The following SLC15A1 variants were observed in gnomAD, a reference collection of about 807,000 sequenced individuals.
The protein encoded by SLC15A1 is solute carrier family 15 member 1.
Under a neutral mutation model 92.9 loss-of-function variants are expected in SLC15A1, and 83 were observed. The ratio of observed to expected loss-of-function variants is 0.89; its 90% CI spans 0.75 to 1.07. The LOEUF is 1.07. Among genes scored for constraint, SLC15A1 ranks in the 50% least tolerant of loss-of-function variants. The probability of loss-of-function intolerance (pLI) is 0.00; values close to 1 mark genes in which losing one functional copy is unlikely to be tolerated. For synonymous variants in SLC15A1, 322 were observed against 318.2 expected, an observed-to-expected ratio of 1.01 and a Z score of -0.13; for missense variants, 857 against 880.1, an observed-to-expected ratio of 0.97 and a Z score of 0.33.
In SLC15A1 at chr13:98,712,563, T is replaced by A. The variant is rs1238571750; in HGVS notation, c.745A>T (p.Arg249Trp). ...TTGGGAAATGCCTTACTCCGATGCCTAAATCTATTTTTGATGGCAAACTGA... is the reference window on the plus strand; with the variant it reads ...TTGGGAAATGCCTTACTCCGATGCCAAAATCTATTTTTGATGGCAAACTGA... ...CIGFAIKNRF[R>W]HRSKAFPKRE... Residue 249 changes from arginine (R) to tryptophan (W), a missense_variant, in exon 10 of 23, where the codon AGG (arginine) becomes TGG (tryptophan). Physicochemically the swap from Arg to Trp is moderately radical, Grantham distance 101. Coordinates refer to ENST00000376503, the MANE Select transcript of SLC15A1 (RefSeq NM_005073.4). The A allele has an allele frequency of 6.2e-7, 1 of 1,608,036 alleles. No homozygotes were observed.
chr13:98,726,386 A>G lies in SLC15A1; in HGVS notation c.85T>C (p.Ser29Pro). ...IVVNEFCERFSYYGMRAILIL... is the reference protein window; with the variant it reads ...IVVNEFCERFPYYGMRAILIL... ...CAGTTACCTCGCATTCCATAGTAGGAAAATCTTTCGCAAAACTCATTGACC... is the reference window on the plus strand; with the variant it reads ...CAGTTACCTCGCATTCCATAGTAGGGAAATCTTTCGCAAAACTCATTGACC... The change falls in exon 3 of 23, where the codon TCC becomes CCC. Residue 29 changes from serine to proline, a missense_variant. Ser to Pro is a moderately conservative substitution (Grantham distance 74, BLOSUM62 -1). Transcript: ENST00000376503. The G allele has an allele frequency of 6.2e-7, 1 of 1,614,218 alleles. No individual in the cohort carries two copies. The highest frequency in any genetic ancestry group is 2.2e-5 in the East Asian group (1 of 44,886).
intron 1 of SLC15A1, among the ~76,000 whole-genome samples, chr13:98,733,431 T>C (rs1323105076): frequency 6.6e-6 from 1 of 152,254 alleles, no homozygotes; most frequent in East Asian, 1.9e-4. Flanking sequence ...TATATTTTTC[T>C]ACTTGGAGCT....
chr13:98,720,095 A>G (rs1323937884), intron 7 of SLC15A1, among the ~76,000 whole-genome samples: 1 of 152,244 alleles, frequency 6.6e-6, no homozygotes, highest in African/African-American at 2.4e-5. Flanking sequence ...GCTTTGGTTC[A>G]GCTATCTCAC....
intron 1 of SLC15A1, among the ~76,000 whole-genome samples, chr13:98,736,486 C>A (rs2088395127): frequency 6.6e-6 from 1 of 152,166 alleles, no homozygotes; most frequent in African/African-American, 2.4e-5. Context: ...CCAAAATAGA[C>A]AAATGGGATC....
intron 1 of SLC15A1, among the ~76,000 whole-genome samples, chr13:98,741,694 A>G (rs1490321981): frequency 6.8e-6 from 1 of 146,270 alleles, no homozygotes; most frequent in Non-Finnish European, 1.5e-5. Flanking sequence ...ACCGCACTCC[A>G]GCCTGGGTGA....
In SLC15A1 at chr13:98,704,429, C is replaced by T; in HGVS notation, c.1276G>A (p.Ala426Thr). Residue 426 changes from alanine (A) to threonine (T), a missense_variant, in exon 17 of 23, where the codon GCA becomes ACA. Ala to Thr is a moderately conservative substitution (Grantham distance 58, BLOSUM62 0). Coordinates refer to ENST00000376503, the MANE Select transcript of SLC15A1 (RefSeq NM_005073.4). ...VTLGPMSQTN[A>T]FMTFDVNKLT... ...TTGTTTACATCAAAAGTCATAAATG[C>T]ATTTGTCTATAGAGGGAGGGAAAGA... 6.2e-7 allele frequency: 1 copy of T among 1,612,590 alleles called. No individual in the cohort carries two copies. The highest frequency in any genetic ancestry group is 1.1e-5 in the South Asian group (1 of 90,844).
intron 1 of SLC15A1, among the ~76,000 whole-genome samples, chr13:98,743,974 A>G (rs934804362): frequency 6.6e-6 from 1 of 152,098 alleles, no homozygotes; most frequent in Non-Finnish European, 1.5e-5. Context: ...TGGCCCTAAT[A>G]ATATTGTATA....
In SLC15A1 at chr13:98,687,688, T is replaced by G; in HGVS notation, c.1720A>C (p.Ile574Leu). 6.2e-7 allele frequency: 1 copy of G among 1,614,168 alleles called. No individual in the cohort carries two copies. Among genetic ancestry groups the G allele is most frequent in the Non-Finnish European group, 8.5e-7 (1 of 1,180,034 alleles). Residue 574 changes from isoleucine to leucine, a missense_variant, in exon 21 of 23, where the codon ATT (isoleucine) becomes CTT (leucine). Ile to Leu is a conservative substitution (Grantham distance 5, BLOSUM62 2). Transcript: ENST00000376503. ...SCPEVKVFED[I>L]SANTVNMALQ... ...GCCATGTTAACTGTGTTGGCTGAAA[T>G]ATCTTCAAACACCTTCACTTCAGGG...
chr13:98,743,197 A>G (rs2088463644), intron 1 of SLC15A1, among the ~76,000 whole-genome samples: 1 of 152,184 alleles, frequency 6.6e-6, no homozygotes. Flanking sequence ...TCACGCTCCA[A>G]GGTATTGGGG....
rs148742760 is a variant in SLC15A1, at chr13:98,723,999, A to G, written c.278T>C (p.Ile93Thr). Reference protein sequence around the residue: ...TIVSLSIVYTIGQAVTSVSSI... With the variant: ...TIVSLSIVYTTGQAVTSVSSI... ...GCTTACTGAGGTGACTGCTTGTCCA[A>G]TTGTGTAGACAATGGAGAGCGACAC... Residue 93 changes from isoleucine (I) to threonine (T), a missense_variant, in exon 5 of 23, where the codon ATT (isoleucine) becomes ACT (threonine). Physicochemically the swap from Ile to Thr is moderately conservative, Grantham distance 89. Coordinates refer to ENST00000376503, the MANE Select transcript of SLC15A1 (RefSeq NM_005073.4). The G allele has an allele frequency of 1.9e-6, 3 of 1,614,012 alleles. No homozygotes were observed. The highest frequency in any genetic ancestry group is 1.3e-5 in the African/African-American group (1 of 74,912).
intron 1 of SLC15A1, among the ~76,000 whole-genome samples, chr13:98,744,698 G>A (rs1169229405): frequency 2.4e-4 from 33 of 135,140 alleles, no homozygotes; most frequent in African/African-American, 8.1e-4. Context: ...GCAGTGAGCC[G>A]AGATCGCGCC....
chr13:98,718,891 G>T (rs973700768), intron 8 of SLC15A1, among the ~76,000 whole-genome samples: 35 of 152,162 alleles, frequency 2.3e-4, no homozygotes, highest in Non-Finnish European at 4.4e-5. Context: ...AAACTCAAGG[G>T]ATCCCCCTGC....
chr13:98,745,991 C>A (rs1369317130), intron 1 of SLC15A1, among the ~76,000 whole-genome samples: 1 of 152,070 alleles, frequency 6.6e-6, no homozygotes, highest in Non-Finnish European at 1.5e-5. Flanking sequence ...AAGCCTAATA[C>A]CTAATAGTTG....
At chr13:98,692,482 C>A (rs1229630579) in intron 18 of SLC15A1, among the ~76,000 whole-genome samples, 1 of 152,074 alleles carries the variant, frequency 6.6e-6, no homozygotes, top group Non-Finnish European at 1.5e-5. Flanking sequence ...TTATAAGAGT[C>A]TTCCAACTTG....
At chr13:98,743,119 G>A (rs1222103531) in intron 1 of SLC15A1, among the ~76,000 whole-genome samples, 1 of 152,104 alleles carries the variant, frequency 6.6e-6, no homozygotes, top group African/African-American at 2.4e-5. Context: ...TGAATTAGGG[G>A]CCACCCTACC....
At chr13:98,695,735 G>T (rs2088016121) in intron 18 of SLC15A1, among the ~76,000 whole-genome samples, 1 of 151,766 alleles carries the variant, frequency 6.6e-6, no homozygotes, top group Non-Finnish European at 1.5e-5. Context: ...TTATTCAAAA[G>T]GTTCTCCTGA....
chr13:98,695,882 T>C (rs1566444254), intron 18 of SLC15A1, among the ~76,000 whole-genome samples: 1 of 152,202 alleles, frequency 6.6e-6, no homozygotes, highest in Non-Finnish European at 1.5e-5. Context: ...CGTTGTTCTA[T>C]TTCTCTGTTA....
chr13:98,715,866 TGA>T lies in SLC15A1; in HGVS notation c.723+10_723+11del. On this transcript the variant is annotated intron_variant, in intron 9 of 22. Transcript: ENST00000376503. Reference sequence around the variant, plus strand: ...TTAAATAGCCTTGAGAAAGAGCAGCTGAGATACTTACACCGATGCACTTGGCC... The same window carrying T: ...TTAAATAGCCTTGAGAAAGAGCAGCTGATACTTACACCGATGCACTTGGCC... 1 of 1,608,866 alleles carries T rather than the reference TGA, an allele frequency of 6.2e-7. No homozygotes were observed. Among genetic ancestry groups the T allele is most frequent in the Non-Finnish European group, 8.5e-7 (1 of 1,175,190 alleles).
intron 9 of SLC15A1, among the ~76,000 whole-genome samples, chr13:98,713,349 T>G (rs2088182915): frequency 6.6e-6 from 1 of 152,182 alleles, no homozygotes; most frequent in African/African-American, 2.4e-5. Flanking sequence ...TTAGCCACCA[T>G]GCCTGGCCAG....
Sources: gnomAD v4.1 joint callset for allele counts (sites outside exome capture counted in the v4.1 genomes callset) on GRCh38, gnomAD v4.1.1 for gene constraint, MANE v1.5 for transcripts, NCBI Gene and HGNC (gene_info 2026-07-23, HGNC 2026-07-21) for gene names.